Variants in VCAN observed in about 807,000 individuals in gnomAD.
The protein encoded by VCAN is versican core protein.
VCAN carries 44 observed loss-of-function variants against 245.5 expected under a neutral mutation model. The ratio of observed to expected loss-of-function variants is 0.18; its 90% CI spans 0.14 to 0.23. The LOEUF (loss-of-function observed/expected upper bound fraction) is 0.23, where lower values mean the gene tolerates loss of function less well. Among genes scored for constraint, VCAN ranks in the 10% least tolerant of loss-of-function variants. The pLI is 1.00. For missense variants in VCAN, 3,793 were observed against 4,057.9 expected, an observed-to-expected ratio of 0.93 and a Z score of 1.77; for synonymous variants, 1,413 against 1,437.0, an observed-to-expected ratio of 0.98 and a Z score of 0.38.
At chr5:83,548,163 C>G (rs1271058958) in intron 10 of VCAN, 79 bp downstream of exon 10, 1 of 1,026,054 alleles carries the variant, frequency 9.7e-7, no homozygotes, top group Non-Finnish European at 1.5e-6. Flanking sequence ...CATAATCTTT[C>G]CTGCAGTGGA....
intron 6 of VCAN, among the ~76,000 whole-genome samples, chr5:83,519,050 A>G (rs760482507): frequency 6.6e-5 from 10 of 152,204 alleles, no homozygotes; most frequent in Admixed American, 1.3e-4. Flanking sequence ...GCTTTTCCTT[A>G]TCTTAAAACT....
At chr5:83,472,090 G>T (rs986752560) in intron 1 of VCAN, 67 bp downstream of exon 1, 1 of 244,108 alleles carries the variant, frequency 4.1e-6, no homozygotes, top group East Asian at 7.4e-5. Context: ...AAAAACCCGC[G>T]AGCTTAGAAA....
intron 3 of VCAN, among the ~76,000 whole-genome samples, chr5:83,492,788 G>A (rs1431613386): frequency 6.6e-6 from 1 of 152,216 alleles, no homozygotes; most frequent in African/African-American, 2.4e-5. Context: ...CCTACGTTAT[G>A]CTGGTCAGGT....
At chr5:83,524,462 G>C (rs1746214740) in intron 7 of VCAN, among the ~76,000 whole-genome samples, 1 of 152,022 alleles carries the variant, frequency 6.6e-6, no homozygotes, top group Admixed American at 6.6e-5. Context: ...GTATATGTGT[G>C]TACAACAAGG....
intron 5 of VCAN, among the ~76,000 whole-genome samples, chr5:83,511,696 A>G (rs1745664766): frequency 6.6e-6 from 1 of 152,172 alleles, no homozygotes; most frequent in Admixed American, 6.5e-5. Flanking sequence ...TGGCAGTTCA[A>G]TGCAAGGTTT....
chr5:83,516,981 T>A (rs759945943), intron 6 of VCAN, among the ~76,000 whole-genome samples: 2 of 152,186 alleles, frequency 1.3e-5, no homozygotes, highest in Admixed American at 1.3e-4. Context: ...GTAGAATTAA[T>A]TAACTTAATT....
intron 8 of VCAN, among the ~76,000 whole-genome samples, chr5:83,543,442 A>C (rs1747080568): frequency 6.6e-6 from 1 of 152,198 alleles, no homozygotes. Context: ...TCTTCTGATC[A>C]TATCAATATT....
At chr5:83,493,984 G>T (rs1029999209) in intron 5 of VCAN, 53 bp downstream of exon 5, 3 of 1,612,440 alleles carry the variant, frequency 1.9e-6, no homozygotes, top group Non-Finnish European at 1.7e-6. Flanking sequence ...ACTGAGGGAA[G>T]ACCAGAAGTT....
chr5:83,515,251 T>C (rs1042348667), intron 6 of VCAN, among the ~76,000 whole-genome samples: 10 of 152,238 alleles, frequency 6.6e-5, no homozygotes, highest in African/African-American at 2.4e-4. Flanking sequence ...TCTGTGAAAG[T>C]TGGAGAGTTA....
At chr5:83,475,408 C>G (rs1348811402) in intron 1 of VCAN, among the ~76,000 whole-genome samples, 1 of 152,194 alleles carries the variant, frequency 6.6e-6, no homozygotes, top group Non-Finnish European at 1.5e-5. Context: ...TTCTTTTTGT[C>G]TGCTGAAAGC....
intron 7 of VCAN, among the ~76,000 whole-genome samples, chr5:83,535,304 A>G (rs1490611576): frequency 6.6e-6 from 1 of 152,070 alleles, no homozygotes; most frequent in Non-Finnish European, 1.5e-5. Context: ...TTCAATAGGA[A>G]GGGTGTTTAG....
In VCAN at chr5:83,580,944, A is replaced by G; in HGVS notation, c.*510A>G. 5.1e-6 allele frequency: 1 copy of G among 195,232 alleles called. No homozygotes were observed. The highest frequency in any genetic ancestry group is 1.1e-5 in the Non-Finnish European group (1 of 93,802). 12.1% of individuals were successfully genotyped at this position (195,232 alleles called of 1,614,324 possible). On this transcript the variant is annotated 3_prime_UTR_variant, in exon 15 of 15. Transcript: ENST00000265077. ...TTCACTTGCTCTTTGACTGTCAGCA[A>G]GACTGAAGATGGCTTTTCCTGGACA...
rs1277087613 is a variant in VCAN at position 83,512,474 on chromosome 5, G to A, written c.1042+78G>A. On this transcript the variant is annotated intron_variant, in intron 6 of 14. Coordinates refer to ENST00000265077, the MANE Select transcript of VCAN (RefSeq NM_004385.5). ...AGCATGCATTGATGTTCAACTAGCC[G>A]TTGGAGTGGATTCCATGTCTTGCAG... 2.1e-5 allele frequency: 32 copies of A among 1,511,110 alleles called. No homozygotes were observed. In the South Asian group the frequency reaches 2.2e-4, roughly 10 times the overall value. The allele number at this position is 1,511,110 out of a possible 1,614,324, so 93.6% of individuals were successfully genotyped here.
intron 12 of VCAN, among the ~76,000 whole-genome samples, chr5:83,557,563 G>A (rs992020919): frequency 6.6e-6 from 1 of 152,042 alleles, no homozygotes; most frequent in Non-Finnish European, 1.5e-5. Context: ...GCCAAAGCAA[G>A]GCAACTCAAC....
chr5:83,547,915 G>T, intron 9 of VCAN, 56 bp from the exon 10 acceptor site: 1 of 1,256,698 alleles, frequency 8.0e-7, no homozygotes. Context: ...CACACTAAAT[G>T]GAATTCTTTG....
At chr5:83,504,959 C>T (rs938618658) in intron 5 of VCAN, among the ~76,000 whole-genome samples, 9 of 151,974 alleles carry the variant, frequency 5.9e-5, no homozygotes, top group Non-Finnish European at 1.3e-4. Context: ...AAAGCAGAAA[C>T]CCCTGATAAA....
In VCAN at chr5:83,493,694, A is replaced by T. The variant is rs2112358707; in HGVS notation, c.594A>T (p.Ala198=). Residue 198 remains alanine (A), a synonymous_variant, in exon 4 of 15, where the codon GCA becomes GCT. Coordinates refer to ENST00000265077, the MANE Select transcript of VCAN (RefSeq NM_004385.5). The part of the protein sequence containing the change: ...AYEDGFEQCD[A]GWLADQTVRY... ...AAGATGGATTTGAGCAGTGTGACGC[A>T]GGCTGGCTGGCTGATCAGACTGTCA... 1 of 1,614,154 alleles carries T rather than the reference A, an allele frequency of 6.2e-7. No individual in the cohort carries two copies. The highest frequency in any genetic ancestry group is 1.3e-5 in the African/African-American group (1 of 75,038).
chr5:83,513,139 T>C (rs191796225), intron 6 of VCAN, among the ~76,000 whole-genome samples: 7 of 152,306 alleles, frequency 4.6e-5, no homozygotes, highest in Admixed American at 6.5e-5. Flanking sequence ...TCACATGATA[T>C]AGTATCATAG....
At chr5:83,546,798 C>T (rs1747244731) in intron 9 of VCAN, among the ~76,000 whole-genome samples, 1 of 151,974 alleles carries the variant, frequency 6.6e-6, no homozygotes, top group African/African-American at 2.4e-5. Context: ...TTTACTAAGA[C>T]CATTTCTTTA....
Sources: allele counts gnomAD v4.1 joint callset (sites outside exome capture counted in the v4.1 genomes callset), GRCh38; gene constraint gnomAD v4.1.1; transcripts MANE v1.5; gene names NCBI Gene and HGNC (gene_info 2026-07-23, HGNC 2026-07-21).